Variants in ZNF407 observed in about 807,000 individuals in gnomAD.
The protein encoded by ZNF407 is zinc finger protein 407.
ZNF407 carries 17 observed loss-of-function variants against 131.2 expected under a neutral mutation model. The ratio of observed to expected loss-of-function variants is 0.13; its 90% CI spans 0.09 to 0.19. The LOEUF (loss-of-function observed/expected upper bound fraction) is 0.19. Among genes scored for constraint, ZNF407 ranks in the 10% least tolerant of loss-of-function variants. The pLI is 1.00. For missense variants in ZNF407, 2,681 were observed against 2,830.6 expected (o/e 0.95, Z 1.20); for synonymous variants, 1,156 against 1,062.0 (o/e 1.09, Z -1.72).
chr18:74,767,717 G>A lies in ZNF407; in HGVS notation c.4803-13711G>A, dbSNP rs536044429. 4.3e-4 allele frequency among the ~76,000 whole-genome samples: 59 copies of A among 137,268 alleles called. 1 individual carries two copies. In the East Asian group the frequency reaches 9.1e-3, roughly 21 times the overall value. The allele number at this position is 137,268 out of a possible 152,430, so 90.1% of individuals were successfully genotyped here. ...TGCCCAGGCTGGAATGCAGTGGTGC[G>A]ATTTCGGCTCACTGCAAGCTCCGTC... On this transcript the variant is annotated intron_variant, in intron 3 of 8. Transcript: ENST00000299687.
At chr18:74,939,491 T>G (rs939219259) in intron 8 of ZNF407, among the ~76,000 whole-genome samples, 1 of 152,182 alleles carries the variant, frequency 6.6e-6, no homozygotes, top group African/African-American at 2.4e-5. Context: ...TATAGAAACC[T>G]CCTTTGATTT....
chr18:74,731,132 C>T (rs961523521), intron 3 of ZNF407, among the ~76,000 whole-genome samples: 3 of 152,098 alleles, frequency 2.0e-5, no homozygotes, highest in African/African-American at 7.2e-5. Context: ...TCTGTAGGCT[C>T]TCCTGTGTTT....
chr18:75,003,026 ACACAGACC>A, intron 8 of ZNF407, among the ~76,000 whole-genome samples: 1 of 152,274 alleles, frequency 6.6e-6, no homozygotes, highest in East Asian at 1.9e-4. Context: ...GGTTCTTAGG[ACACAGACC>A]TCTAAATTCT....
chr18:74,683,923 A>G (rs1347932071), intron 3 of ZNF407, among the ~76,000 whole-genome samples: 1 of 152,226 alleles, frequency 6.6e-6, no homozygotes, highest in Non-Finnish European at 1.5e-5. Flanking sequence ...CCTTTGAAAA[A>G]TAGGAAATAA....
At chr18:74,959,443 C>T (rs1027964541) in intron 8 of ZNF407, among the ~76,000 whole-genome samples, 1 of 152,140 alleles carries the variant, frequency 6.6e-6, no homozygotes, top group Non-Finnish European at 1.5e-5. Flanking sequence ...GGACAATTTC[C>T]CCTTTTTAAC....
chr18:74,654,597 A>G (rs1025426356), intron 3 of ZNF407, among the ~76,000 whole-genome samples: 4 of 151,854 alleles, frequency 2.6e-5, no homozygotes, highest in Non-Finnish European at 5.9e-5. Flanking sequence ...ATAAGAGACC[A>G]AGAAATTTTC....
At chr18:74,776,302 G>A (rs1969470126) in intron 3 of ZNF407, among the ~76,000 whole-genome samples, 1 of 152,142 alleles carries the variant, frequency 6.6e-6, no homozygotes, top group South Asian at 2.1e-4. Flanking sequence ...AGAACTGTAA[G>A]CAATAAATGT....
chr18:75,030,674 A>G (rs1424445160), intron 8 of ZNF407, among the ~76,000 whole-genome samples: 1 of 152,184 alleles, frequency 6.6e-6, no homozygotes, highest in Non-Finnish European at 1.5e-5. Context: ...TGGCCACAGA[A>G]GGCATTTAGG....
At chr18:74,975,660 A>G (rs1467330171) in intron 8 of ZNF407, among the ~76,000 whole-genome samples, 1 of 152,228 alleles carries the variant, frequency 6.6e-6, no homozygotes, top group East Asian at 1.9e-4. Flanking sequence ...TATAGATTAC[A>G]TCTCAGTGTT....
chr18:74,671,814 G>T (rs1986151552), intron 3 of ZNF407, among the ~76,000 whole-genome samples: 1 of 152,152 alleles, frequency 6.6e-6, no homozygotes, highest in African/African-American at 2.4e-5. Context: ...TCATTGTACT[G>T]CCTCCCACAG....
chr18:74,783,918 A>C (rs916938181), intron 4 of ZNF407, among the ~76,000 whole-genome samples: 1 of 152,208 alleles, frequency 6.6e-6, no homozygotes, highest in African/African-American at 2.4e-5. Context: ...TTACAGAGAA[A>C]TACTACACAG....
intron 8 of ZNF407, among the ~76,000 whole-genome samples, chr18:75,047,393 C>G (rs963437232): frequency 6.6e-6 from 1 of 152,194 alleles, no homozygotes; most frequent in African/African-American, 2.4e-5. Context: ...TACAGCAGCA[C>G]CCAGAGCCAG....
At chr18:74,801,355 G>A (rs1440568028) in intron 4 of ZNF407, among the ~76,000 whole-genome samples, 2 of 152,028 alleles carry the variant, frequency 1.3e-5, no homozygotes, top group Non-Finnish European at 2.9e-5. Flanking sequence ...TTATCAGTGT[G>A]TTTTCATGGA....
At chr18:74,984,936 T>C (rs1237966188) in intron 8 of ZNF407, among the ~76,000 whole-genome samples, 1 of 152,268 alleles carries the variant, frequency 6.6e-6, no homozygotes, top group Non-Finnish European at 1.5e-5. Context: ...TTCATTTATT[T>C]TTAACTCTTG....
intron 1 of ZNF407, among the ~76,000 whole-genome samples, chr18:74,618,310 C>G (rs1310596209): frequency 6.6e-6 from 1 of 152,204 alleles, no homozygotes; most frequent in Admixed American, 6.5e-5. Context: ...GGGCATAGTA[C>G]TAAAGACCAA....
chr18:75,043,933 C>G (rs1973402628), intron 8 of ZNF407, among the ~76,000 whole-genome samples: 1 of 152,204 alleles, frequency 6.6e-6, no homozygotes, highest in Non-Finnish European at 1.5e-5. Flanking sequence ...AATTGCTAAA[C>G]TGCTCCGTTT....
chr18:74,775,686 A>G (rs1025015732), intron 3 of ZNF407, among the ~76,000 whole-genome samples: 2 of 152,176 alleles, frequency 1.3e-5, no homozygotes, highest in African/African-American at 4.8e-5. Flanking sequence ...GGCTATAAAG[A>G]AATACCTGAC....
At chr18:75,053,797 G>A (rs975636192) in intron 8 of ZNF407, among the ~76,000 whole-genome samples, 1 of 152,222 alleles carries the variant, frequency 6.6e-6, no homozygotes, top group Admixed American at 6.5e-5. Flanking sequence ...CTGGCACAGA[G>A]GCTCTCCCAA....
Position 74,633,668 on chromosome 18 carries a change from G to A in ZNF407, c.2649G>A (p.Val883=), listed in dbSNP as rs1187642920. 2 of 1,614,020 alleles carry A rather than the reference G, an allele frequency of 1.2e-6. No homozygotes were observed. The highest frequency in any genetic ancestry group is 4.5e-5 in the East Asian group (2 of 44,884). The change falls in exon 2 of 9, where the codon GTG becomes GTA. Residue 883 remains valine, a synonymous_variant. Coordinates refer to ENST00000299687, the MANE Select transcript of ZNF407 (RefSeq NM_017757.3). ...ACCAGTATAGTTATTTATGCAAAGT[G>A]TGTAAGTATTACACTGTAACTAAGG... ...HSHQYSYLCK[V]CKYYTVTKGD... is the part of the protein sequence containing the mutation.
Sources: gnomAD v4.1 joint callset for allele counts (sites outside exome capture counted in the v4.1 genomes callset) on GRCh38, gnomAD v4.1.1 for gene constraint, MANE v1.5 for transcripts, NCBI Gene and HGNC (gene_info 2026-07-23, HGNC 2026-07-21) for gene names.